Variants in GLUD1 observed in about 807,000 individuals in gnomAD.
GLUD1 encodes the protein glutamate dehydrogenase 1, mitochondrial.
Under a neutral mutation model 56.0 loss-of-function variants are expected in GLUD1, and 22 were observed. That is an observed-to-expected ratio of 0.39 (90% CI 0.28 to 0.56). The LOEUF is 0.56. Ranked by LOEUF, GLUD1 falls within the 20% of genes least tolerant of loss-of-function variation. The pLI, the probability that GLUD1 is intolerant of heterozygous loss-of-function variation, is 0.58. For synonymous variants in GLUD1, 223 were observed against 269.9 expected, an observed-to-expected ratio of 0.83 and a Z score of 1.70; for missense variants, 451 against 732.0, an observed-to-expected ratio of 0.62 and a Z score of 4.43.
intron 1 of GLUD1, among the ~76,000 whole-genome samples, chr10:87,083,452 C>T (rs9420434): frequency 0.25 from 38,159 of 152,050 alleles, 5,699 homozygotes; most frequent in East Asian, 0.71. Flanking sequence ...AATACATACA[C>T]ATACAAGAAA....
chr10:87,082,849 T>A lies in GLUD1; in HGVS notation c.446-6193A>T, dbSNP rs569995494. On this transcript the variant is annotated intron_variant, in intron 1 of 12. Coordinates refer to ENST00000277865, the MANE Select transcript of GLUD1 (RefSeq NM_005271.5). ...TGTACCCACACACAGAAGAAGCCAGTTACTCTTCCTTCTCTGGGTTTGGAA... is the reference window on the plus strand; with the variant it reads ...TGTACCCACACACAGAAGAAGCCAGATACTCTTCCTTCTCTGGGTTTGGAA... Among the ~76,000 whole-genome samples, 5 of 152,316 alleles carry A rather than the reference T, an allele frequency of 3.3e-5. No homozygotes were observed. In the East Asian group the frequency reaches 9.6e-4, roughly 29 times the overall value.
chr10:87,073,649 C>T (rs1209639314), intron 4 of GLUD1, among the ~76,000 whole-genome samples: 5 of 115,988 alleles, frequency 4.3e-5, no homozygotes, highest in African/African-American at 6.6e-5. Flanking sequence ...GACGGAGTCT[C>T]GCTCTGTTGC....
At chr10:87,093,923 G>C (rs1841620656) in intron 1 of GLUD1, 1 of 1,344,992 alleles carries the variant, frequency 7.4e-7, no homozygotes, top group South Asian at 1.2e-5. Context: ...TGCATTTAGG[G>C]GAGACTCACA....
At position 87,076,364 on chromosome 10, in the gene GLUD1, A is replaced by G. The variant is rs546964780; in HGVS notation, c.526+212T>C. ...AAACAAAGATCTAGACTTAAAATCC[A>G]ATTATCTCCTATTTTAAAAAATCCC... is the stretch of plus-strand genomic sequence containing the variant. On this transcript the variant is annotated intron_variant, in intron 2 of 12. Transcript: ENST00000277865. Among the ~76,000 whole-genome samples the G allele has an allele frequency of 6.6e-5, 10 of 150,520 alleles. No homozygotes were observed. The East Asian group carries it at 2.0e-3, about 30-fold the overall frequency.
rs116684010 is a variant in GLUD1 at position 87,064,825 on chromosome 10, C to A, written c.742-1990G>T. On this transcript the variant is annotated intron_variant, in intron 5 of 12. Coordinates refer to ENST00000277865, the MANE Select transcript of GLUD1 (RefSeq NM_005271.5). ...AACAGTGAGAATGCAAATGCTGGAG[C>A]TGAAGGAAATACTGTCTGGGGTCAG... Among the ~76,000 whole-genome samples, 1,166 of 152,232 alleles carry A rather than the reference C, an allele frequency of 7.7e-3. 17 individuals are homozygous for A. The highest frequency in any genetic ancestry group is 0.027 in the African/African-American group (1,123 of 41,528).
In GLUD1 at chr10:87,051,860, C is replaced by T. The variant is rs761933718; in HGVS notation, c.1568G>A (p.Arg523His). The T allele has an allele frequency of 3.1e-5, 50 of 1,614,030 alleles. No individual in the cohort carries two copies. The highest frequency in any genetic ancestry group is 8.3e-5 in the Admixed American group (5 of 60,030). The part of the protein sequence containing the change: ...TMERSARQIM[R>H]TAMKYNLGLD... ...TCCCAGGTTATACTTCATGGCTGTG[C>T]GCATAATTTGCTGAAATGAAAGAGA... Residue 523 changes from arginine (R) to histidine (H), a missense_variant, in exon 13 of 13, where the codon CGC (arginine) becomes CAC (histidine). Arg to His is a conservative substitution (Grantham distance 29). Coordinates refer to ENST00000277865, the MANE Select transcript of GLUD1 (RefSeq NM_005271.5).
rs201611802 is a variant in GLUD1 at position 87,068,162 on chromosome 10, G to A, written c.647-5C>T. The A allele has an allele frequency of 1.8e-5, 28 of 1,584,194 alleles. No homozygotes were observed. The East Asian group carries it at 2.5e-4, about 14-fold the overall frequency. On this transcript the variant is annotated splice_polypyrimidine_tract_variant and splice_region_variant and intron_variant, in intron 4 of 12. Transcript: ENST00000277865. Reference sequence around the variant, plus strand: ...CAGGCACATCAATGCCAGGACCTGCGGGGGCACAGGGAAAGAGGAGTGCAC... The same window carrying A: ...CAGGCACATCAATGCCAGGACCTGCAGGGGCACAGGGAAAGAGGAGTGCAC...
At position 87,051,471 on chromosome 10, in the gene GLUD1, A is replaced by C. The variant is rs1845630591; in HGVS notation, c.*280T>G. On this transcript the variant is annotated 3_prime_UTR_variant, in exon 13 of 13. Transcript: ENST00000277865. ...TTGTGTTGGGAAAAGCCACAGAGCA[A>C]GGCTGCACAGCCAGATAAAGGAGGC... The C allele has an allele frequency of 2.1e-6, 1 of 468,724 alleles. No homozygotes were observed. Among genetic ancestry groups the C allele is most frequent in the African/African-American group, 2.0e-5 (1 of 50,374 alleles). The allele number at this position is 468,724 out of a possible 1,614,324, so 29.0% of individuals were successfully genotyped here. A position where few individuals can be genotyped will look rare whatever the true frequency, so the allele number is the denominator to read the frequency against.
Position 87,094,044 on chromosome 10 carries a change from G to C in GLUD1, c.445+281C>G. ...GTGACACAGACACCGGGACCAAAAG[G>C]AGACCGGTGCAGCGTCTACTCTGCA... On this transcript the variant is annotated intron_variant, in intron 1 of 12. Transcript: ENST00000277865. The surrounding 1 kb of genome is among the most constrained non-coding windows in gnomAD (Gnocchi z 6.6). 6.7e-7 allele frequency: 1 copy of C among 1,501,290 alleles called. No individual in the cohort carries two copies. Among genetic ancestry groups the C allele is most frequent in the Non-Finnish European group, 8.9e-7 (1 of 1,124,892 alleles). 93.0% of individuals were successfully genotyped at this position (1,501,290 alleles called of 1,614,324 possible).
At chr10:87,052,911 G>T (rs1193135555) in intron 12 of GLUD1, among the ~76,000 whole-genome samples, 1 of 152,054 alleles carries the variant, frequency 6.6e-6, no homozygotes, top group Admixed American at 6.6e-5. Flanking sequence ...GATAGAATCT[G>T]AACCCAAGAA....
chr10:87,067,695 T>C (rs1451867494), intron 5 of GLUD1: 1 of 230,854 alleles, frequency 4.3e-6, no homozygotes, highest in South Asian at 6.2e-5. Flanking sequence ...GAATTCATAA[T>C]CTCCACTGTT....
In GLUD1 at chr10:87,076,662, G is replaced by A. The variant is rs774011220; in HGVS notation, c.446-6C>T. 2.5e-6 allele frequency: 4 copies of A among 1,579,700 alleles called. No homozygotes were observed. The South Asian group carries it at 3.3e-5, about 13-fold the overall frequency. ...ATCAGTGCTGTAACGGATACCTGGT[G>A]GTGTTTTTAAAAAAATGTGTTGGGG... is the stretch of plus-strand genomic sequence containing the variant. On this transcript the variant is annotated splice_polypyrimidine_tract_variant and splice_region_variant and intron_variant, in intron 1 of 12. Coordinates refer to ENST00000277865, the MANE Select transcript of GLUD1 (RefSeq NM_005271.5).
At chr10:87,081,201 G>T (rs1841238867) in intron 1 of GLUD1, among the ~76,000 whole-genome samples, 1 of 133,840 alleles carries the variant, frequency 7.5e-6, no homozygotes, top group Non-Finnish European at 1.6e-5. Context: ...AGGTGGGGGG[G>T]TCAGCCCCCC....
chr10:87,080,822 C>T (rs1841214156), intron 1 of GLUD1, among the ~76,000 whole-genome samples: 1 of 151,586 alleles, frequency 6.6e-6, no homozygotes, highest in African/African-American at 2.4e-5. Flanking sequence ...CTCCGCCCGG[C>T]AGCCGACCTG....
rs1841690791 is a variant in GLUD1, at chr10:87,094,822, C to T, written c.-53G>A. 1.4e-6 allele frequency: 2 copies of T among 1,386,618 alleles called. No homozygotes were observed. Among genetic ancestry groups the T allele is most frequent in the Admixed American group, 3.8e-5 (2 of 52,376 alleles). 85.9% of individuals were successfully genotyped at this position (1,386,618 alleles called of 1,614,324 possible). A position where few individuals can be genotyped will look rare whatever the true frequency, so the allele number is the denominator to read the frequency against. ...TGGTCGCGAAACAGGCGCGCTTTCT[C>T]AGACTCCCCGCGACTAGGGAGGAAG... On this transcript the variant is annotated 5_prime_UTR_variant, in exon 1 of 13. Coordinates refer to ENST00000277865, the MANE Select transcript of GLUD1 (RefSeq NM_005271.5). The surrounding 1 kb of genome is among the most constrained non-coding windows in gnomAD (Gnocchi z 6.6).
At chr10:87,053,152 CAT>C (rs1182245718) in intron 12 of GLUD1, among the ~76,000 whole-genome samples, 188 bp downstream of exon 12, 1 of 152,178 alleles carries the variant, frequency 6.6e-6, no homozygotes, top group East Asian at 1.9e-4. Context: ...GCCTCAAAAA[CAT>C]ATTTGAAGAC....
intron 8 of GLUD1, 81 bp downstream of exon 8, chr10:87,060,607 A>C: frequency 6.5e-7 from 1 of 1,549,520 alleles, no homozygotes; most frequent in Non-Finnish European, 8.9e-7. Flanking sequence ...AAGAAAGAGA[A>C]AACTCAATCA....
rs1846271475 is a variant in GLUD1 at position 87,072,683 on chromosome 10, GAATT to G, written c.646+1864_646+1867del. 2.0e-5 allele frequency among the ~76,000 whole-genome samples: 3 copies of G among 152,124 alleles called. No individual in the cohort carries two copies. The South Asian group carries it at 6.2e-4, about 32-fold the overall frequency. On this transcript the variant is annotated intron_variant, in intron 4 of 12. Transcript: ENST00000277865. ...CCAATGAATCACTTTTTGACCTTTG[GAATT>G]ATTAGGTACTTGTCAAGTCTGATAA... is the stretch of plus-strand genomic sequence containing the variant.
At chr10:87,063,491 G>A (rs1845989689) in intron 5 of GLUD1, among the ~76,000 whole-genome samples, 1 of 152,128 alleles carries the variant, frequency 6.6e-6, no homozygotes, top group Non-Finnish European at 1.5e-5. Context: ...CCTTCAACAA[G>A]TATTTAAGCA....
Sources: gnomAD v4.1 joint callset for allele counts (sites outside exome capture counted in the v4.1 genomes callset) on GRCh38, gnomAD v4.1.1 for gene constraint, Gnocchi (gnomAD v3.1) non-coding constraint, MANE v1.5 for transcripts, NCBI Gene and HGNC (gene_info 2026-07-23, HGNC 2026-07-21) for gene names.